Variants in WDR47 observed in about 807,000 individuals in gnomAD.
The protein encoded by WDR47 is WD repeat domain 47.
A neutral mutation model predicts 97.2 loss-of-function variants in WDR47; 32 were observed. The ratio of observed to expected loss-of-function variants is 0.33; its 90% confidence interval spans 0.25 to 0.44. The LOEUF (loss-of-function observed/expected upper bound fraction) is 0.44. Ranked by LOEUF, WDR47 falls within the 20% of genes least tolerant of loss-of-function variation. The pLI is 1.00. For missense variants in WDR47, 782 were observed against 1,102.3 expected (o/e 0.71, Z 4.11); for synonymous variants, 375 against 373.5 (o/e 1.00, Z -0.05).
At chr1:109,021,114 C>T (rs1030511600) in intron 2 of WDR47, among the ~76,000 whole-genome samples, 2 of 152,112 alleles carry the variant, frequency 1.3e-5, no homozygotes, top group African/African-American at 4.8e-5. Context: ...TGGGATTTTC[C>T]GTTTCTATCC....
intron 14 of WDR47, among the ~76,000 whole-genome samples, chr1:108,972,901 G>A (rs1657577971): frequency 6.7e-6 from 1 of 149,792 alleles, no homozygotes; most frequent in Non-Finnish European, 1.5e-5. Context: ...AGCCGACATT[G>A]CACCACTGCG....
intron 4 of WDR47, among the ~76,000 whole-genome samples, chr1:109,012,980 T>C (rs1661157437): frequency 6.6e-6 from 1 of 152,178 alleles, no homozygotes; most frequent in Non-Finnish European, 1.5e-5. Context: ...AAAATTCCTA[T>C]GTTGAAATCC....
At chr1:109,026,423 T>A (rs538186433) in intron 1 of WDR47, among the ~76,000 whole-genome samples, 17 of 152,144 alleles carry the variant, frequency 1.1e-4, no homozygotes, top group Admixed American at 4.6e-4. Flanking sequence ...CTCCCTAATA[T>A]TATTCTTAGA....
chr1:109,033,732 A>G (rs1193617766), intron 1 of WDR47, among the ~76,000 whole-genome samples: 1 of 152,220 alleles, frequency 6.6e-6, no homozygotes, highest in Non-Finnish European at 1.5e-5. Flanking sequence ...CATTCTGGCC[A>G]ACATGGTAAA....
At chr1:109,006,346 T>G (rs895357349) in intron 5 of WDR47, among the ~76,000 whole-genome samples, 1 of 148,704 alleles carries the variant, frequency 6.7e-6, no homozygotes, top group African/African-American at 2.4e-5. Context: ...TGAGCCGAGA[T>G]CGCGCCATTG....
At chr1:108,980,729 A>G (rs1259646926) in intron 13 of WDR47, among the ~76,000 whole-genome samples, 1 of 120,608 alleles carries the variant, frequency 8.3e-6, no homozygotes, top group Admixed American at 7.6e-5. Flanking sequence ...ATTCTGTCTC[A>G]ACAACAACAA....
intron 1 of WDR47, among the ~76,000 whole-genome samples, chr1:109,030,612 CCA>C (rs1662554399): frequency 2.1e-5 from 3 of 142,044 alleles, no homozygotes; most frequent in East Asian, 2.1e-4. Flanking sequence ...CTTTAATCTT[CCA>C]AGTATTACAG....
chr1:109,001,783 C>T (rs904306627), intron 7 of WDR47, among the ~76,000 whole-genome samples: 1 of 151,858 alleles, frequency 6.6e-6, no homozygotes, highest in African/African-American at 2.4e-5. Flanking sequence ...GCCAGCTACG[C>T]AGGAGGCTGA....
chr1:109,029,267 A>G (rs28548116), intron 1 of WDR47, among the ~76,000 whole-genome samples: 149,721 of 152,116 alleles, frequency 0.98, 73,735 homozygotes, highest in Middle Eastern at 1. Flanking sequence ...GCTCATGGCT[A>G]TAATCCCAAC....
chr1:109,040,764 CCTT>C (rs1198568464), intron 1 of WDR47, among the ~76,000 whole-genome samples: 2 of 152,126 alleles, frequency 1.3e-5, no homozygotes, highest in African/African-American at 2.4e-5. Context: ...AGGCGTTTCT[CCTT>C]CTTAGTAAAA....
At chr1:109,018,322 G>C (rs889431157) in intron 2 of WDR47, among the ~76,000 whole-genome samples, 1 of 151,300 alleles carries the variant, frequency 6.6e-6, no homozygotes, top group Non-Finnish European at 1.5e-5. Context: ...GGTGGCGGGC[G>C]CCCGTAATCC....
rs766181104 is a variant in WDR47 at position 108,971,389 on chromosome 1, G to T, written c.*41C>A. 6.2e-7 allele frequency: 1 copy of T among 1,612,116 alleles called. No homozygotes were observed. The highest frequency in any genetic ancestry group is 8.5e-7 in the Non-Finnish European group (1 of 1,178,858). ...AATTTTCACAACTCAGTAGTCTTAA[G>T]TCTCTGTGCTTTTGCTGCATAGACT... is the stretch of plus-strand genomic sequence containing the variant. On this transcript the variant is annotated 3_prime_UTR_variant, in exon 15 of 15. Coordinates refer to ENST00000369962, the MANE Select transcript of WDR47 (RefSeq NM_001142551.2).
chr1:108,982,488 T>G, intron 12 of WDR47, 121 bp downstream of exon 12: 1 of 1,175,770 alleles, frequency 8.5e-7, no homozygotes, highest in Non-Finnish European at 1.2e-6. Flanking sequence ...GCTGTGATTG[T>G]GCCACTGCAC....
chr1:108,998,885 A>G (rs1013077794), intron 7 of WDR47, among the ~76,000 whole-genome samples: 3 of 152,202 alleles, frequency 2.0e-5, no homozygotes. Context: ...TACATATCTT[A>G]AAGCCCTAGT....
chr1:108,977,374 G>A (rs1305171549), intron 13 of WDR47, among the ~76,000 whole-genome samples: 3 of 151,960 alleles, frequency 2.0e-5, no homozygotes, highest in Admixed American at 6.6e-5. Context: ...GACTGGTCTC[G>A]AGCTCCTGAC....
chr1:109,030,809 G>A lies in WDR47; in HGVS notation c.-9-7288C>T, dbSNP rs1355260544. 2.2e-5 allele frequency among the ~76,000 whole-genome samples: 3 copies of A among 135,438 alleles called. 1 individual carries two copies. Among genetic ancestry groups the A allele is most frequent in the Non-Finnish European group, 4.9e-5 (3 of 61,702 alleles). 88.9% of individuals were successfully genotyped at this position (135,438 alleles called of 152,430 possible). A position where few individuals can be genotyped will look rare whatever the true frequency, so the allele number is the denominator to read the frequency against. The stretch of plus-strand genomic sequence containing the variant: ...AACTGCTAGCTGTTTTTAATAACAT[G>A]GCATTCAAAAAACTTTATGTTGCTG... On this transcript the variant is annotated intron_variant, in intron 1 of 14. Coordinates refer to ENST00000369962, the MANE Select transcript of WDR47 (RefSeq NM_001142551.2).
intron 1 of WDR47, among the ~76,000 whole-genome samples, chr1:109,028,149 T>C (rs1455166657): frequency 6.6e-6 from 1 of 152,124 alleles, no homozygotes; most frequent in African/African-American, 2.4e-5. Flanking sequence ...ACTGAAGAAA[T>C]GTCTCTACAA....
chr1:108,977,752 C>CA, intron 13 of WDR47, among the ~76,000 whole-genome samples: 1 of 151,826 alleles, frequency 6.6e-6, no homozygotes, highest in Non-Finnish European at 1.5e-5. Flanking sequence ...CGCTTGAACC[C>CA]AGGAGGCAGA....
At position 108,993,562 on chromosome 1, in the gene WDR47, G is replaced by A. The variant is rs148389127; in HGVS notation, c.1691+2018C>T. On this transcript the variant is annotated intron_variant, in intron 8 of 14. Transcript: ENST00000369962. ...ACCCCTTTTCAGGAAACTGTGAGAT[G>A]CTAAAAACAGGGAATCTAATAAAGA... 2.8e-3 allele frequency among the ~76,000 whole-genome samples: 432 copies of A among 152,290 alleles called. 4 individuals are homozygous for A. Among genetic ancestry groups the A allele is most frequent in the African/African-American group, 0.01 (416 of 41,546 alleles).
Sources: gnomAD v4.1 joint callset for allele counts (sites outside exome capture counted in the v4.1 genomes callset) on GRCh38, gnomAD v4.1.1 for gene constraint, MANE v1.5 for transcripts, NCBI Gene and HGNC (gene_info 2026-07-23, HGNC 2026-07-21) for gene names.